The following ANO1 variants were observed in gnomAD, a reference collection of about 807,000 sequenced individuals.
ANO1 encodes the protein anoctamin 1.
Under a neutral mutation model 124.0 loss-of-function variants are expected in ANO1, and 59 were observed. That is an observed-to-expected ratio of 0.48 (90% CI 0.39 to 0.59). ANO1 has a LOEUF of 0.59. Among genes scored for constraint, ANO1 ranks in the 20% least tolerant of loss-of-function variants. The pLI, the probability that ANO1 is intolerant of heterozygous loss-of-function variation, is 0.00. For missense variants in ANO1, 1,059 were observed against 1,328.0 expected (o/e 0.80, Z 3.15); for synonymous variants, 529 against 532.0 (o/e 0.99, Z 0.08).
upstream of ANO1, among the ~76,000 whole-genome samples, chr11:70,077,583 G>A (rs148299379): frequency 2.0e-3 from 302 of 152,196 alleles, 3 homozygotes; most frequent in African/African-American, 6.0e-3. Context: ...CATCCCCCCC[G>A]CTCCGCCCCT....
the ANO1 span, among the ~76,000 whole-genome samples, chr11:69,966,771 C>T: frequency 6.6e-6 from 1 of 152,170 alleles, no homozygotes. Context: ...ATGGGGAGGA[C>T]CCAGAGAGCA....
chr11:70,024,008 G>A (rs1407140213), intron 1 of ANO1, among the ~76,000 whole-genome samples: 1 of 152,238 alleles, frequency 6.6e-6, no homozygotes, highest in Non-Finnish European at 1.5e-5. Flanking sequence ...TTCAGACATA[G>A]CTGAATCCGG....
the ANO1 span, among the ~76,000 whole-genome samples, chr11:69,975,289 A>G: frequency 6.6e-6 from 1 of 152,104 alleles, no homozygotes; most frequent in Non-Finnish European, 1.5e-5. Context: ...TCAATCTGAC[A>G]CCAGTGGGGG....
intron 1 of ANO1, among the ~76,000 whole-genome samples, chr11:70,012,211 C>T (rs1856609244): frequency 6.6e-6 from 1 of 151,422 alleles, no homozygotes. Flanking sequence ...TCCATTCATC[C>T]ATCCAGCAAT....
rs781500530 is a variant in ANO1 at position 70,156,046 on chromosome 11, G to A, written c.1503+58G>A. On this transcript the variant is annotated intron_variant, in intron 15 of 25. Coordinates refer to ENST00000355303, the MANE Select transcript of ANO1 (RefSeq NM_018043.7). Reference sequence around the variant, plus strand: ...TGACTGTTTGCAGGCAATCAAAGTCGATTGTGTTTTTCCTCAACAAACTGT... The same window carrying A: ...TGACTGTTTGCAGGCAATCAAAGTCAATTGTGTTTTTCCTCAACAAACTGT... 710 of 1,403,764 alleles carry A rather than the reference G, an allele frequency of 5.1e-4. 1 individual carries two copies. Among genetic ancestry groups the A allele is most frequent in the Admixed American group, 1.2e-3 (38 of 30,408 alleles). 87.0% of individuals were successfully genotyped at this position (1,403,764 alleles called of 1,614,324 possible). A position where few individuals can be genotyped will look rare whatever the true frequency, so the allele number is the denominator to read the frequency against.
At chr11:70,042,716 A>G (rs1555005202) in intron 1 of ANO1, among the ~76,000 whole-genome samples, 1 of 152,212 alleles carries the variant, frequency 6.6e-6, no homozygotes, top group Non-Finnish European at 1.5e-5. Context: ...GGAATAGCTC[A>G]TGGTCTCACC....
At chr11:69,980,453 T>A in the ANO1 span, among the ~76,000 whole-genome samples, 1 of 151,788 alleles carries the variant, frequency 6.6e-6, no homozygotes, top group Admixed American at 6.6e-5. Flanking sequence ...ACCCCGTCTC[T>A]ACTAAAAAAT....
intron 11 of ANO1, among the ~76,000 whole-genome samples, chr11:70,146,518 G>A (rs1278379139): frequency 2.0e-5 from 3 of 152,144 alleles, no homozygotes; most frequent in East Asian, 3.8e-4. Context: ...GGGAAGGTGC[G>A]TGAGTCAGGG....
chr11:70,070,060 G>A (rs1280172920), intron 1 of ANO1, among the ~76,000 whole-genome samples: 1 of 152,190 alleles, frequency 6.6e-6, no homozygotes, highest in Admixed American at 6.5e-5. Flanking sequence ...TGCAAAGACA[G>A]GCAGCCACTG....
intron 1 of ANO1, among the ~76,000 whole-genome samples, chr11:70,055,368 C>CAA (rs1555006707): frequency 1.3e-5 from 2 of 152,116 alleles, no homozygotes; most frequent in East Asian, 3.9e-4. Flanking sequence ...TTGATATATA[C>CAA]ATAATTTAAA....
At chr11:70,101,477 A>G (rs2135342976) in intron 2 of ANO1, among the ~76,000 whole-genome samples, 1 of 150,326 alleles carries the variant, frequency 6.7e-6, no homozygotes, top group African/African-American at 2.5e-5. Context: ...AATCGCTTGA[A>G]CTCAGGAGGT....
chr11:69,979,969 A>G, the ANO1 span, among the ~76,000 whole-genome samples: 3 of 152,058 alleles, frequency 2.0e-5, no homozygotes, highest in Admixed American at 2.0e-4. Flanking sequence ...ATCCCAGGGA[A>G]TTGAATAACA....
chr11:69,987,317 G>C (rs1195915364), intron 1 of ANO1, among the ~76,000 whole-genome samples: 1 of 152,176 alleles, frequency 6.6e-6, no homozygotes, highest in African/African-American at 2.4e-5. Flanking sequence ...TGGAAACACA[G>C]CCCCAGCTCA....
At chr11:70,050,548 T>C (rs1857336887) in intron 1 of ANO1, among the ~76,000 whole-genome samples, 1 of 152,118 alleles carries the variant, frequency 6.6e-6, no homozygotes, top group South Asian at 2.1e-4. Flanking sequence ...TGGTCCCACC[T>C]CCACCATCCT....
At chr11:70,182,811 A>AG in intron 24 of ANO1, 125 bp downstream of exon 24, 1 of 964,234 alleles carries the variant, frequency 1.0e-6, no homozygotes, top group East Asian at 3.1e-5. Flanking sequence ...AAAAAGAAGA[A>AG]GAAGGAAAAA....
chr11:69,967,988 G>A, the ANO1 span, among the ~76,000 whole-genome samples: 1 of 152,146 alleles, frequency 6.6e-6, no homozygotes, highest in Non-Finnish European at 1.5e-5. Flanking sequence ...TTGTCTTACA[G>A]GGACTCCTGC....
chr11:70,148,591 G>A (rs1590859324), intron 11 of ANO1, among the ~76,000 whole-genome samples: 1 of 152,188 alleles, frequency 6.6e-6, no homozygotes, highest in Non-Finnish European at 1.5e-5. Context: ...CTCGAGAATC[G>A]TGAGCTCTGA....
At chr11:70,133,875 C>A (rs575432311) in intron 11 of ANO1, among the ~76,000 whole-genome samples, 1 of 152,196 alleles carries the variant, frequency 6.6e-6, no homozygotes, top group Non-Finnish European at 1.5e-5. Flanking sequence ...CTCTGCAGCT[C>A]CTGCTCCAGC....
intron 1 of ANO1, among the ~76,000 whole-genome samples, chr11:69,995,100 T>TGG (rs1565156264): frequency 2.2e-5 from 3 of 139,486 alleles, no homozygotes; most frequent in South Asian, 4.7e-4. Context: ...ACTGTTTTTT[T>TGG]TTTTTTTTTT....
Sources: allele counts gnomAD v4.1 joint callset (sites outside exome capture counted in the v4.1 genomes callset), GRCh38; gene constraint gnomAD v4.1.1; transcripts MANE v1.5; gene names NCBI Gene and HGNC (gene_info 2026-07-23, HGNC 2026-07-21).